Variants in NGLY1 observed in about 807,000 individuals in gnomAD.
NGLY1 encodes N-glycanase 1, also known as peptide-N(4)-(N-acetyl-beta-glucosaminyl)asparagine amidase.
NGLY1 carries 68 observed loss-of-function variants against 84.6 expected under a neutral mutation model. The observed-to-expected ratio is 0.80, with a 90% CI of 0.66 to 0.98. The LOEUF (loss-of-function observed/expected upper bound fraction) is 0.98. Ranked by LOEUF, NGLY1 falls within the 50% of genes least tolerant of loss-of-function variation. The pLI is 0.00. For synonymous variants in NGLY1, 280 were observed against 275.2 expected, an observed-to-expected ratio of 1.02 and a Z score of -0.17; for missense variants, 779 against 770.2, an observed-to-expected ratio of 1.01 and a Z score of -0.14.
At chr3:25,784,731 A>G (rs1487178031), upstream of NGLY1, among the ~76,000 whole-genome samples, 2 of 152,218 alleles carry the variant, frequency 1.3e-5, no homozygotes, top group African/African-American at 2.4e-5. Context: ...TTCAATGACT[A>G]TTCGTCTCCC....
rs184026349 is a variant in NGLY1, at chr3:25,762,637, T to C, written c.492+1429A>G. On this transcript the variant is annotated intron_variant, in intron 3 of 11. Transcript: ENST00000280700. The stretch of plus-strand genomic sequence containing the variant: ...ACAGGATTTTAAAGACCTGGAACTA[T>C]ATCTGAATTGTAAGATTAAGAACTT... Among the ~76,000 whole-genome samples, 590 of 152,274 alleles carry C rather than the reference T, an allele frequency of 3.9e-3. 4 individuals are homozygous for C. Among genetic ancestry groups the C allele is most frequent in the African/African-American group, 0.014 (563 of 41,566 alleles).
chr3:25,735,758 AAATTGTG>A, intron 7 of NGLY1: 2 of 332,258 alleles, frequency 6.0e-6, no homozygotes, highest in South Asian at 5.6e-5. Flanking sequence ...GCTTAATTTG[AAATTGTG>A]AAAAAAACTG....
Position 25,783,035 on chromosome 3 carries a change from A to C in NGLY1, c.131+225T>G, listed in dbSNP as rs1708490940. 3.9e-6 allele frequency: 2 copies of C among 506,752 alleles called. No individual in the cohort carries two copies. Among genetic ancestry groups the C allele is most frequent in the Non-Finnish European group, 7.0e-6 (2 of 284,616 alleles). The allele number at this position is 506,752 out of a possible 1,614,324, so 31.4% of individuals were successfully genotyped here. A position where few individuals can be genotyped will look rare whatever the true frequency, so the allele number is the denominator to read the frequency against. ...ACCCTGACTGCAGGTGCCAAGTCACAACTGCAAAGAAACTTCCTTTTCTCG... is the reference window on the plus strand; with the variant it reads ...ACCCTGACTGCAGGTGCCAAGTCACCACTGCAAAGAAACTTCCTTTTCTCG... On this transcript the variant is annotated intron_variant, in intron 1 of 11. Transcript: ENST00000280700. This position sits in a 1 kb window ranked among gnomAD's most constrained non-coding sequence, Gnocchi z 4.5.
At chr3:25,781,265 T>C (rs1271247482) in intron 1 of NGLY1, among the ~76,000 whole-genome samples, 1 of 152,182 alleles carries the variant, frequency 6.6e-6, no homozygotes, top group Admixed American at 6.5e-5. Context: ...ATTTTATTTT[T>C]ATATCATCTC....
At chr3:25,724,606 C>G (rs1051882319) in intron 10 of NGLY1, among the ~76,000 whole-genome samples, 1 of 152,168 alleles carries the variant, frequency 6.6e-6, no homozygotes, top group African/African-American at 2.4e-5. Context: ...ATCAAAGTCT[C>G]TGGGACCTGA....
chr3:25,754,236 CA>C (rs2125521957), intron 3 of NGLY1, among the ~76,000 whole-genome samples: 1 of 152,118 alleles, frequency 6.6e-6, no homozygotes, highest in East Asian at 1.9e-4. Flanking sequence ...TATTATTAAG[CA>C]AATATATAGC....
At chr3:25,720,248 A>C (rs1426410844) in intron 10 of NGLY1, 57 bp from the exon 11 acceptor site, 1 of 1,395,302 alleles carries the variant, frequency 7.2e-7, no homozygotes, top group Non-Finnish European at 1.0e-6. Context: ...AATAGTATAG[A>C]AAACAAACTT....
chr3:25,743,842 C>T (rs2054897), intron 4 of NGLY1, among the ~76,000 whole-genome samples: 123,950 of 152,082 alleles, frequency 0.82, 50,912 homozygotes, highest in East Asian at 0.94. Flanking sequence ...AGTAGGACTA[C>T]TAAACAGTAA....
In NGLY1 at chr3:25,778,556, A is replaced by G; in HGVS notation, c.246+18T>C. The G allele has an allele frequency of 6.9e-7, 1 of 1,451,782 alleles. No homozygotes were observed. The highest frequency in any genetic ancestry group is 1.4e-5 in the African/African-American group (1 of 70,932). 89.9% of individuals were successfully genotyped at this position (1,451,782 alleles called of 1,614,324 possible). On this transcript the variant is annotated intron_variant, in intron 2 of 11. Transcript: ENST00000280700. The stretch of plus-strand genomic sequence containing the variant: ...TTTGTGCATGAAGAGGGGAGAGGAA[A>G]TCCTTGAACATACTTACCTCTTCAA...
intron 2 of NGLY1, among the ~76,000 whole-genome samples, chr3:25,769,109 A>G (rs1351740208): frequency 6.6e-6 from 1 of 152,098 alleles, no homozygotes; most frequent in African/African-American, 2.4e-5. Context: ...CTGTAATCCC[A>G]GCACTTTGGG....
chr3:25,730,562 T>G (rs1206893719), intron 9 of NGLY1: 1 of 152,192 alleles, frequency 6.6e-6, no homozygotes, highest in Non-Finnish European at 1.5e-5. Context: ...CGAATTAAAT[T>G]AGCTCTTTTT....
At chr3:25,759,387 G>A (rs2125535207) in intron 3 of NGLY1, among the ~76,000 whole-genome samples, 2 of 150,996 alleles carry the variant, frequency 1.3e-5, no homozygotes, top group East Asian at 3.9e-4. Flanking sequence ...AGCACTTATA[G>A]TGTCTCATTT....
At chr3:25,762,240 G>A (rs2125542019) in intron 3 of NGLY1, among the ~76,000 whole-genome samples, 1 of 152,128 alleles carries the variant, frequency 6.6e-6, no homozygotes, top group African/African-American at 2.4e-5. Flanking sequence ...CTGGCTCCCT[G>A]ACTTTGGTAC....
At chr3:25,727,247 CAACTT>C (rs988393549) in intron 10 of NGLY1, among the ~76,000 whole-genome samples, 1 of 152,044 alleles carries the variant, frequency 6.6e-6, no homozygotes, top group Non-Finnish European at 1.5e-5. Context: ...GAAATTCACT[CAACTT>C]AAAAAAAATG....
chr3:25,722,213 T>C (rs1164961072), intron 10 of NGLY1, among the ~76,000 whole-genome samples: 1 of 149,450 alleles, frequency 6.7e-6, no homozygotes, highest in African/African-American at 2.5e-5. Context: ...CGAGACTCTG[T>C]CTAAAAAAAA....
At chr3:25,774,460 T>C (rs1708056703) in intron 2 of NGLY1, among the ~76,000 whole-genome samples, 1 of 152,112 alleles carries the variant, frequency 6.6e-6, no homozygotes. Flanking sequence ...GGGTTGGGCT[T>C]GTTGTGGCCA....
Position 25,733,996 on chromosome 3 carries a change from C to T in NGLY1, c.1150-14G>A. On this transcript the variant is annotated splice_polypyrimidine_tract_variant and intron_variant, in intron 7 of 11. Coordinates refer to ENST00000280700, the MANE Select transcript of NGLY1 (RefSeq NM_018297.4). ...GACATCAACTACCTGAAACAAATAACAGAATACAAATACTTAACAAGATTA... is the reference window on the plus strand; with the variant it reads ...GACATCAACTACCTGAAACAAATAATAGAATACAAATACTTAACAAGATTA... The T allele has an allele frequency of 6.2e-7, 1 of 1,610,070 alleles. No individual in the cohort carries two copies. The highest frequency in any genetic ancestry group is 8.5e-7 in the Non-Finnish European group (1 of 1,176,830).
intron 5 of NGLY1, 30 bp downstream of exon 5, chr3:25,739,547 T>C (rs917135418): frequency 4.4e-6 from 7 of 1,588,268 alleles, no homozygotes; most frequent in Non-Finnish European, 6.0e-6. Context: ...ATTAAGAGAT[T>C]ATTCTGATTT....
intron 3 of NGLY1, chr3:25,754,805 T>TG (rs397965779): frequency 1.7e-5 from 7 of 423,856 alleles, no homozygotes; most frequent in Non-Finnish European, 3.0e-5. Flanking sequence ...TTTTTTTTTT[T>TG]GATACGAGCA....
Sources: allele counts gnomAD v4.1 joint callset (sites outside exome capture counted in the v4.1 genomes callset), GRCh38; gene constraint gnomAD v4.1.1; non-coding constraint Gnocchi (gnomAD v3.1); transcripts MANE v1.5; gene names NCBI Gene and HGNC (gene_info 2026-07-23, HGNC 2026-07-21).